VPS39: variants seen among roughly 807,000 people sequenced by gnomAD.
VPS39 encodes the protein VPS39 subunit of HOPS complex.
In VPS39, 70 loss-of-function variants were observed where a neutral mutation model predicts 121.0. The observed-to-expected ratio is 0.58, with a 90% CI of 0.48 to 0.71. The LOEUF is 0.71. VPS39 is among the 30% of genes least tolerant of loss of function. The probability of loss-of-function intolerance (pLI) is 0.00; values close to 1 mark genes in which losing one functional copy is unlikely to be tolerated. For synonymous variants in VPS39, 378 were observed against 398.1 expected, an observed-to-expected ratio of 0.95 and a Z score of 0.60; for missense variants, 818 against 1,051.5, an observed-to-expected ratio of 0.78 and a Z score of 3.07.
In VPS39 at chr15:42,161,734, T is replaced by C; in HGVS notation, c.2500A>G (p.Ile834Val). Residue 834 changes from isoleucine to valine, a missense_variant, in exon 24 of 25, where the codon ATC (isoleucine) becomes GTC (valine). Physicochemically the swap from Ile to Val is conservative, Grantham distance 29. Coordinates refer to ENST00000318006, the MANE Select transcript of VPS39 (RefSeq NM_015289.5). ...ERILHQQVKCIITEEKVCMVC... is the reference protein window; with the variant it reads ...ERILHQQVKCVITEEKVCMVC... ...ATGCACACCTTCTCCTCTGTGATGA[T>C]GCACTTCACCTGCTGGTGTAAAATC... The C allele has an allele frequency of 6.2e-7, 1 of 1,614,184 alleles. No homozygotes were observed. The highest frequency in any genetic ancestry group is 8.5e-7 in the Non-Finnish European group (1 of 1,180,034).
Position 42,187,507 on chromosome 15 carries a change from C to A in VPS39, c.442-144G>T, listed in dbSNP as rs1595670463. ...CTACAGGCACAAGGCCAGGAAACTA[C>A]CCTTAATAAAAATACAAGTCCATGA... On this transcript the variant is annotated intron_variant, in intron 6 of 24. Coordinates refer to ENST00000318006, the MANE Select transcript of VPS39 (RefSeq NM_015289.5). 1.0e-5 allele frequency: 8 copies of A among 796,974 alleles called. No homozygotes were observed. The South Asian group carries it at 1.5e-4, about 15-fold the overall frequency. 49.4% of individuals were successfully genotyped at this position (796,974 alleles called of 1,614,324 possible). A position where few individuals can be genotyped will look rare whatever the true frequency, so the allele number is the denominator to read the frequency against.
At chr15:42,188,815 A>G (rs1475344285) in intron 5 of VPS39, among the ~76,000 whole-genome samples, 2 of 152,076 alleles carry the variant, frequency 1.3e-5, no homozygotes, top group African/African-American at 4.8e-5. Flanking sequence ...AAAATACAAA[A>G]AATAGCCGGA....
rs750155660 is a variant in VPS39, at chr15:42,163,683, T to C, written c.2072A>G (p.His691Arg). Residue 691 changes from histidine to arginine, a missense_variant, in exon 20 of 25, where the codon CAT (histidine) becomes CGT (arginine). Transcript: ENST00000318006. ...RALLLGRMGK[H>R]EQALFIYVHI... ...GACATAAATGAAAAGAGCTTGTTCA[T>C]GTTTCCCCATGCGCCCCAACAGGAG... 3.1e-6 allele frequency: 5 copies of C among 1,614,018 alleles called. No individual in the cohort carries two copies. The South Asian group carries it at 4.4e-5, about 14-fold the overall frequency.
At chr15:42,178,138 A>G (rs142302634) in intron 10 of VPS39, 80 bp downstream of exon 10, 33,713 of 1,592,290 alleles carry the variant, frequency 0.021, 422 homozygotes, top group Middle Eastern at 0.031. Context: ...ACTAACCCAA[A>G]ATAAATATGA....
chr15:42,183,184 TC>T (rs1178974069), intron 8 of VPS39, among the ~76,000 whole-genome samples: 1 of 150,556 alleles, frequency 6.6e-6, no homozygotes, highest in Non-Finnish European at 1.5e-5. Context: ...CACCGCAACT[TC>T]CCCCTCCCTT....
intron 6 of VPS39, 22 bp downstream of exon 6, chr15:42,187,736 G>T (rs769855929): frequency 1.2e-5 from 20 of 1,612,188 alleles, no homozygotes; most frequent in Non-Finnish European, 1.7e-5. Flanking sequence ...CCCAACCATG[G>T]ACCAAGGAAC....
At chr15:42,202,777 T>C (rs1480142682) in intron 1 of VPS39, among the ~76,000 whole-genome samples, 1 of 152,148 alleles carries the variant, frequency 6.6e-6, no homozygotes, top group African/African-American at 2.4e-5. Flanking sequence ...CCTCCTCCTA[T>C]AGAGTCTCTC....
At chr15:42,206,875 T>C (rs613157) in intron 1 of VPS39, among the ~76,000 whole-genome samples, 10,020 of 152,270 alleles carry the variant, frequency 0.066, 867 homozygotes, top group African/African-American at 0.18. Flanking sequence ...GTCAGGTCTT[T>C]CATTTAAAAA....
At chr15:42,191,968 T>C in intron 2 of VPS39, 1 of 1,413,424 alleles carries the variant, frequency 7.1e-7, no homozygotes, top group Non-Finnish European at 9.6e-7. Flanking sequence ...ACCAACTAAT[T>C]TCCAGCAACT....
Position 42,187,279 on chromosome 15 carries a change from G to A in VPS39, c.526C>T (p.Leu176=), listed in dbSNP as rs777368997. 6.2e-7 allele frequency: 1 copy of A among 1,608,536 alleles called. No homozygotes were observed. Among genetic ancestry groups the A allele is most frequent in the South Asian group, 1.1e-5 (1 of 89,776 alleles). The change falls in exon 7 of 25, where the codon CTA becomes TTA. Residue 176 remains leucine (L), a synonymous_variant. Coordinates refer to ENST00000318006, the MANE Select transcript of VPS39 (RefSeq NM_015289.5). The stretch of plus-strand genomic sequence containing the variant: ...AAATAATAAGATTTTACCCTTATTA[G>A]GTAGTAGTCTCTCTTGAAACCCACA... The part of the protein sequence containing the change: ...ICVGFKRDYY[L]IRVDGKGSIK...
intron 11 of VPS39, among the ~76,000 whole-genome samples, chr15:42,172,432 G>A (rs1469261203): frequency 6.6e-6 from 1 of 152,226 alleles, no homozygotes; most frequent in African/African-American, 2.4e-5. Flanking sequence ...AACTGCCTGA[G>A]AGATCTGAAG....
intron 11 of VPS39, among the ~76,000 whole-genome samples, chr15:42,170,741 ATTTTTTTTTTTTT>A (rs869280235): frequency 2.4e-4 from 12 of 50,474 alleles, no homozygotes; most frequent in East Asian, 1.6e-3. Context: ...ATGCTCGCAG[ATTTTTTTTTTTTT>A]TTTTTTTTTT....
intron 21 of VPS39, 75 bp from the exon 22 acceptor site, chr15:42,162,556 C>T (rs188475640): frequency 6.0e-5 from 89 of 1,473,210 alleles, no homozygotes; most frequent in Admixed American, 9.4e-5. Context: ...GCATGCCTAA[C>T]GATTCGAGGG....
Position 42,166,780 on chromosome 15 carries a change from T to C in VPS39, c.1511A>G (p.His504Arg), listed in dbSNP as rs1455840255. The C allele has an allele frequency of 6.2e-7, 1 of 1,613,992 alleles. No individual in the cohort carries two copies. The highest frequency in any genetic ancestry group is 8.5e-7 in the Non-Finnish European group (1 of 1,179,950). Residue 504 changes from histidine (H) to arginine (R), a missense_variant, in exon 14 of 25, where the codon CAC becomes CGC. Transcript: ENST00000318006. ...AGGAACCACTCCCACACCTTTCTCG[T>C]GGAGCCCCTTCTTCTCATACAGGAT... is the stretch of plus-strand genomic sequence containing the variant. ...LIILYEKKGL[H>R]EKALQVLVDQ...
At chr15:42,189,794 CTTTTTTTTTTTTT>C (rs34353468) in intron 4 of VPS39, among the ~76,000 whole-genome samples, 2 of 34,026 alleles carry the variant, frequency 5.9e-5, no homozygotes, top group African/African-American at 9.0e-5. Flanking sequence ...CCAAAACACT[CTTTTTTTTTTTTT>C]TTTTTTTTTT....
intron 2 of VPS39, chr15:42,192,206 A>C: frequency 9.4e-7 from 1 of 1,059,954 alleles, no homozygotes. Flanking sequence ...TGAGTCAAAA[A>C]GAGAATAATT....
intron 4 of VPS39, among the ~76,000 whole-genome samples, chr15:42,190,527 C>T (rs1267671941): frequency 2.6e-5 from 4 of 152,162 alleles, no homozygotes; most frequent in Admixed American, 2.6e-4. Flanking sequence ...TGTAGCCCTG[C>T]TCTGTCTCTT....
chr15:42,191,210 C>A lies in VPS39; in HGVS notation c.205-43G>T. On this transcript the variant is annotated intron_variant, in intron 3 of 24. Transcript: ENST00000318006. ...ATGAGACCCAATTAAACATTTCTGA[C>A]AAGGTTTAGCAAATGTTCATTCAAT... The A allele has an allele frequency of 1.2e-6, 2 of 1,604,432 alleles. No homozygotes were observed. Among genetic ancestry groups the A allele is most frequent in the Non-Finnish European group, 1.7e-6 (2 of 1,171,560 alleles).
rs267604206 is a variant in VPS39 at position 42,184,591 on chromosome 15, G to A, written c.644C>T (p.Thr215Ile). 2 of 1,614,180 alleles carry A rather than the reference G, an allele frequency of 1.2e-6. No homozygotes were observed. The highest frequency in any genetic ancestry group is 1.7e-6 in the Non-Finnish European group (2 of 1,180,028). Reference sequence around the variant, plus strand: ...GATCCCTTCCTCATTGAGTACCACGGTGAGATCATCCTGGCCCACAGCCAC... The same window carrying A: ...GATCCCTTCCTCATTGAGTACCACGATGAGATCATCCTGGCCCACAGCCAC... ...GKVAVGQDDL[T>I]VVLNEEGICT... The change falls in exon 8 of 25, where the codon ACC (threonine) becomes ATC (isoleucine). Residue 215 changes from threonine to isoleucine, a missense_variant. Thr to Ile is a moderately conservative substitution (Grantham distance 89). Transcript: ENST00000318006.
Sources: allele counts gnomAD v4.1 joint callset (sites outside exome capture counted in the v4.1 genomes callset), GRCh38; gene constraint gnomAD v4.1.1; transcripts MANE v1.5; gene names NCBI Gene and HGNC (gene_info 2026-07-23, HGNC 2026-07-21).